Variants in GOSR1 observed in about 807,000 individuals in gnomAD.
GOSR1 encodes the protein golgi SNAP receptor complex member 1.
GOSR1 carries 21 observed loss-of-function variants against 35.5 expected under a neutral mutation model. The ratio of observed to expected loss-of-function variants is 0.59; its 90% CI spans 0.42 to 0.85. The LOEUF (loss-of-function observed/expected upper bound fraction) is 0.85, where lower values mean the gene tolerates loss of function less well. Ranked by LOEUF, GOSR1 falls within the 40% of genes least tolerant of loss-of-function variation. The probability of loss-of-function intolerance (pLI) is 0.00; values close to 1 mark genes in which losing one functional copy is unlikely to be tolerated. For synonymous variants in GOSR1, 94 were observed against 106.6 expected (o/e 0.88, Z 0.73); for missense variants, 285 against 309.6 (o/e 0.92, Z 0.60).
rs561807453 is a variant in GOSR1, at chr17:30,524,328, C to T, written c.*1950C>T. 5 of 152,304 alleles carry T rather than the reference C, an allele frequency of 3.3e-5. No homozygotes were observed. Among genetic ancestry groups the T allele is most frequent in the African/African-American group, 1.2e-4 (5 of 41,564 alleles). 9.4% of individuals were successfully genotyped at this position (152,304 alleles called of 1,614,324 possible). A position where few individuals can be genotyped will look rare whatever the true frequency, so the allele number is the denominator to read the frequency against. ...ATAGATTTCTACTCTGTCTCCTCAACTCTGTTGATATTTGGGGAAAATTCT... is the reference window on the plus strand; with the variant it reads ...ATAGATTTCTACTCTGTCTCCTCAATTCTGTTGATATTTGGGGAAAATTCT... On this transcript the variant is annotated 3_prime_UTR_variant, in exon 9 of 9. Transcript: ENST00000451249.
rs1968194273 is a variant in GOSR1, at chr17:30,527,021, A to G, written c.*4643A>G. ...TATTTTAGCCCTAGAAGTGAAGGGG[A>G]ATCTCTTAACATGAAACTTCAGGAG... On this transcript the variant is annotated 3_prime_UTR_variant, in exon 9 of 9. Transcript: ENST00000451249. 1 of 152,114 alleles carries G rather than the reference A, an allele frequency of 6.6e-6. No individual in the cohort carries two copies. Among genetic ancestry groups the G allele is most frequent in the Non-Finnish European group, 1.5e-5 (1 of 68,022 alleles). 9.4% of individuals were successfully genotyped at this position (152,114 alleles called of 1,614,324 possible). A position where few individuals can be genotyped will look rare whatever the true frequency, so the allele number is the denominator to read the frequency against.
intron 1 of GOSR1, chr17:30,477,999 G>T (rs1257278959): frequency 1.2e-5 from 10 of 822,664 alleles, no homozygotes; most frequent in African/African-American, 1.9e-5. Context: ...TACAGGTTGG[G>T]GACTTCCAGG....
intron 1 of GOSR1, chr17:30,477,783 G>GC: frequency 1.0e-6 from 1 of 985,286 alleles, no homozygotes; most frequent in Non-Finnish European, 1.2e-6. Flanking sequence ...GGACGAAGGG[G>GC]CTTGGGGTAC....
At chr17:30,516,914 A>G (rs928966517) in intron 7 of GOSR1, among the ~76,000 whole-genome samples, 1 of 152,194 alleles carries the variant, frequency 6.6e-6, no homozygotes, top group Admixed American at 6.5e-5. Flanking sequence ...AGGTTTCACC[A>G]TGTTGGCCAG....
intron 6 of GOSR1, among the ~76,000 whole-genome samples, chr17:30,496,786 TAG>T (rs543785017): frequency 9.5e-4 from 144 of 152,282 alleles, no homozygotes; most frequent in African/African-American, 3.3e-3. Context: ...ATAATAAGAT[TAG>T]AGAGTTGAAG....
At chr17:30,496,339 C>T (rs1966998522) in intron 6 of GOSR1, among the ~76,000 whole-genome samples, 5 of 152,196 alleles carry the variant, frequency 3.3e-5, no homozygotes, top group African/African-American at 1.2e-4. Flanking sequence ...TGTCAATAGG[C>T]ACATCAGTGA....
chr17:30,480,505 T>C (rs563409030), intron 1 of GOSR1, among the ~76,000 whole-genome samples: 4 of 152,302 alleles, frequency 2.6e-5, no homozygotes, highest in African/African-American at 9.6e-5. Context: ...TGTATTATCT[T>C]CTTGTTTTTC....
chr17:30,485,345 C>A lies in GOSR1; in HGVS notation c.342+575C>A, dbSNP rs1597759249. On this transcript the variant is annotated intron_variant, in intron 4 of 8. Coordinates refer to ENST00000451249, the MANE Select transcript of GOSR1 (RefSeq NM_001007025.2). ...GCAGTAGTACAGTCACAGCTCACTG[C>A]AGCCTCAACCTCCCAAGCTCAAACA... 4.6e-5 allele frequency among the ~76,000 whole-genome samples: 7 copies of A among 151,844 alleles called. No individual in the cohort carries two copies. The South Asian group carries it at 1.0e-3, about 23-fold the overall frequency.
intron 5 of GOSR1, 76 bp from the exon 6 acceptor site, chr17:30,492,603 C>G (rs1031753718): frequency 7.4e-6 from 6 of 812,598 alleles, no homozygotes; most frequent in Non-Finnish European, 1.0e-5. Context: ...TTTCTACTTT[C>G]AAGATCACTA....
chr17:30,506,562 C>T (rs117668993), intron 6 of GOSR1, among the ~76,000 whole-genome samples: 2,221 of 152,294 alleles, frequency 0.015, 26 homozygotes, highest in Non-Finnish European at 0.025. Context: ...GGAAAGAAGC[C>T]ATCTCTATAA....
chr17:30,503,618 T>TTACTTTATTTGGTC (rs1967294052), intron 6 of GOSR1, among the ~76,000 whole-genome samples: 1 of 152,254 alleles, frequency 6.6e-6, no homozygotes, highest in Admixed American at 6.5e-5. Context: ...TGGTGTTTGT[T>TTACTTTATTTGGTC]TACTTTATTT....
intron 3 of GOSR1, 131 bp downstream of exon 3, chr17:30,484,432 C>T (rs1914547698): frequency 2.9e-6 from 2 of 692,554 alleles, no homozygotes; most frequent in Non-Finnish European, 5.3e-6. Context: ...CTCCCCACAC[C>T]ACTTGAATTT....
intron 6 of GOSR1, among the ~76,000 whole-genome samples, chr17:30,499,303 C>G (rs1477229820): frequency 6.6e-6 from 1 of 150,536 alleles, no homozygotes; most frequent in Non-Finnish European, 1.5e-5. Context: ...TATGAACATT[C>G]ATAAACAAAA....
At chr17:30,497,337 A>T (rs904079423) in intron 6 of GOSR1, among the ~76,000 whole-genome samples, 2 of 152,182 alleles carry the variant, frequency 1.3e-5, no homozygotes, top group Non-Finnish European at 2.9e-5. Context: ...TGACTAAGAT[A>T]CCTTAAGTTT....
chr17:30,481,588 T>A (rs545018592), intron 2 of GOSR1, among the ~76,000 whole-genome samples: 19 of 152,142 alleles, frequency 1.2e-4, no homozygotes, highest in African/African-American at 3.6e-4. Flanking sequence ...CATGTATTTC[T>A]TGTGTTTTTC....
Position 30,524,258 on chromosome 17 carries a change from C to A in GOSR1, c.*1880C>A, listed in dbSNP as rs1460067997. The A allele has an allele frequency of 6.6e-6, 1 of 152,204 alleles. No homozygotes were observed. Among genetic ancestry groups the A allele is most frequent in the African/African-American group, 2.4e-5 (1 of 41,384 alleles). The allele number at this position is 152,204 out of a possible 1,614,324, so 9.4% of individuals were successfully genotyped here. A position where few individuals can be genotyped will look rare whatever the true frequency, so the allele number is the denominator to read the frequency against. On this transcript the variant is annotated 3_prime_UTR_variant, in exon 9 of 9. Transcript: ENST00000451249. ...TAATAATTCTTGTCCTCTTATTTTA[C>A]ACTCATAATGAGAAATCACAAGTTC...
At chr17:30,519,546 C>A (rs532962408) in intron 7 of GOSR1, among the ~76,000 whole-genome samples, 31 of 152,122 alleles carry the variant, frequency 2.0e-4, no homozygotes, top group African/African-American at 6.3e-4. Context: ...AATTATAATT[C>A]CCTTTCAACA....
intron 6 of GOSR1, among the ~76,000 whole-genome samples, chr17:30,493,919 T>A (rs1966895140): frequency 6.6e-6 from 1 of 152,190 alleles, no homozygotes; most frequent in South Asian, 2.1e-4. Flanking sequence ...TTTGTGTGTA[T>A]CCGTCATGAT....
intron 6 of GOSR1, among the ~76,000 whole-genome samples, chr17:30,500,879 C>G (rs1967177244): frequency 2.0e-5 from 3 of 148,766 alleles, no homozygotes; most frequent in Admixed American, 2.0e-4. Flanking sequence ...ATACAAAGAA[C>G]TCTTTTTTTT....
Sources: allele counts gnomAD v4.1 joint callset (sites outside exome capture counted in the v4.1 genomes callset), GRCh38; gene constraint gnomAD v4.1.1; transcripts MANE v1.5; gene names NCBI Gene and HGNC (gene_info 2026-07-23, HGNC 2026-07-21).